Variants in CDH8 observed in about 807,000 individuals in gnomAD.
CDH8 encodes cadherin 8.
A neutral mutation model predicts 68.1 loss-of-function variants in CDH8; 17 were observed. The observed-to-expected ratio is 0.25, with a 90% confidence interval of 0.17 to 0.37. The LOEUF is 0.37. Ranked by LOEUF, CDH8 falls within the 10% of genes least tolerant of loss-of-function variation. CDH8 has a pLI of 1.00. For missense variants in CDH8, 763 were observed against 999.3 expected, an observed-to-expected ratio of 0.76 and a Z score of 3.19; for synonymous variants, 372 against 365.1, an observed-to-expected ratio of 1.02 and a Z score of -0.21.
At chr16:61,930,010 G>T (rs1964515615) in intron 2 of CDH8, among the ~76,000 whole-genome samples, 1 of 152,096 alleles carries the variant, frequency 6.6e-6, no homozygotes. Flanking sequence ...CGCAGAGTTT[G>T]TTCTTCTATG....
chr16:61,938,322 A>T (rs537838888), intron 2 of CDH8, among the ~76,000 whole-genome samples: 1 of 152,292 alleles, frequency 6.6e-6, no homozygotes, highest in Admixed American at 6.5e-5. Context: ...GAACTGAAAT[A>T]GTTCATTCTA....
At chr16:61,777,231 A>G (rs935910583) in intron 8 of CDH8, among the ~76,000 whole-genome samples, 1 of 152,142 alleles carries the variant, frequency 6.6e-6, no homozygotes, top group African/African-American at 2.4e-5. Flanking sequence ...TCCTACCTTT[A>G]AAATCTGTTC....
intron 10 of CDH8, among the ~76,000 whole-genome samples, chr16:61,675,597 A>G (rs1430016489): frequency 3.8e-5 from 4 of 105,738 alleles, no homozygotes; most frequent in African/African-American, 2.0e-4. Flanking sequence ...CTTAAAGTAT[A>G]ATAAAAAAAA....
At chr16:61,701,368 A>C (rs1206498302) in intron 10 of CDH8, among the ~76,000 whole-genome samples, 1 of 152,206 alleles carries the variant, frequency 6.6e-6, no homozygotes, top group Non-Finnish European at 1.5e-5. Context: ...AACATTGCTT[A>C]TGTGGAATCA....
At chr16:61,661,100 T>C (rs1963548498) in intron 10 of CDH8, among the ~76,000 whole-genome samples, 3 of 152,042 alleles carry the variant, frequency 2.0e-5, no homozygotes, top group Admixed American at 6.6e-5. Flanking sequence ...ACAATTATGT[T>C]TTTCAGCATA....
chr16:61,876,200 A>C (rs1313968175), intron 3 of CDH8, among the ~76,000 whole-genome samples: 1 of 152,134 alleles, frequency 6.6e-6, no homozygotes, highest in African/African-American at 2.4e-5. Context: ...AGGATGGTAA[A>C]TTAAGAAATG....
chr16:62,030,396 G>A (rs554299130), intron 1 of CDH8, among the ~76,000 whole-genome samples: 5 of 151,790 alleles, frequency 3.3e-5, no homozygotes, highest in African/African-American at 9.7e-5. Flanking sequence ...ATTTTTCTGA[G>A]CATCCCCATG....
chr16:61,900,484 T>C (rs1439303818), intron 3 of CDH8, among the ~76,000 whole-genome samples: 3 of 152,208 alleles, frequency 2.0e-5, no homozygotes, highest in African/African-American at 7.2e-5. Context: ...TTGAGGGGTT[T>C]CTTATCATCA....
At chr16:61,709,193 T>C (rs1487648632) in intron 10 of CDH8, among the ~76,000 whole-genome samples, 1 of 152,012 alleles carries the variant, frequency 6.6e-6, no homozygotes, top group Non-Finnish European at 1.5e-5. Context: ...CCTATTGTAA[T>C]AGCAGAACTT....
At chr16:61,799,899 A>T (rs1418051445) in intron 7 of CDH8, among the ~76,000 whole-genome samples, 2 of 151,882 alleles carry the variant, frequency 1.3e-5, no homozygotes, top group African/African-American at 2.4e-5. Flanking sequence ...TGGTCTATTA[A>T]CTCTTTTCCC....
chr16:61,941,003 G>T (rs1016933292), intron 2 of CDH8, among the ~76,000 whole-genome samples: 4 of 152,212 alleles, frequency 2.6e-5, no homozygotes, highest in African/African-American at 9.6e-5. Flanking sequence ...AATTAGAAAT[G>T]AGCATATTAA....
rs1567402156 is a variant in CDH8 at position 61,650,954 on chromosome 16, G to A, written c.*2654C>T. The A allele has an allele frequency of 6.6e-6, 1 of 152,000 alleles. No homozygotes were observed. The highest frequency in any genetic ancestry group is 1.5e-5 in the Non-Finnish European group (1 of 68,004). 9.4% of individuals were successfully genotyped at this position (152,000 alleles called of 1,614,324 possible). ...TGTTCCTAGGCAAAGAGAATACTTA[G>A]GCGATATTTGGGCAACTAGTAGAGC... On this transcript the variant is annotated 3_prime_UTR_variant, in exon 12 of 12. Transcript: ENST00000577390.
At chr16:61,675,626 AT>A (rs2142788057) in intron 10 of CDH8, among the ~76,000 whole-genome samples, 1 of 65,468 alleles carries the variant, frequency 1.5e-5, no homozygotes, top group East Asian at 3.4e-4. Context: ...AATAAAAAAA[AT>A]AAAAAAAAAT....
chr16:61,676,905 G>A (rs1010790054), intron 10 of CDH8, among the ~76,000 whole-genome samples: 2 of 151,874 alleles, frequency 1.3e-5, no homozygotes, highest in African/African-American at 4.8e-5. Context: ...AACTTTGTAG[G>A]GTGACGAAAA....
At chr16:62,001,985 TA>T (rs1432647384) in intron 2 of CDH8, among the ~76,000 whole-genome samples, 1 of 152,088 alleles carries the variant, frequency 6.6e-6, no homozygotes, top group Non-Finnish European at 1.5e-5. Context: ...AAAGAGTGAG[TA>T]GCCCACTATT....
At chr16:61,677,441 A>AG (rs1457921793) in intron 10 of CDH8, among the ~76,000 whole-genome samples, 1 of 151,860 alleles carries the variant, frequency 6.6e-6, no homozygotes, top group African/African-American at 2.4e-5. Flanking sequence ...TTTCCTAAAA[A>AG]GTCCCCAACT....
chr16:61,909,911 G>A (rs1013587260), intron 2 of CDH8, among the ~76,000 whole-genome samples: 1 of 152,184 alleles, frequency 6.6e-6, no homozygotes, highest in African/African-American at 2.4e-5. Flanking sequence ...CCAAGCCAGT[G>A]TTCATGGCCT....
At position 61,730,633 on chromosome 16, in the gene CDH8, C is replaced by T. The variant is rs186849485; in HGVS notation, c.1415-3418G>A. 3.0e-3 allele frequency among the ~76,000 whole-genome samples: 453 copies of T among 151,640 alleles called. 12 individuals are homozygous for T. The highest frequency in any genetic ancestry group is 0.026 in the Admixed American group (387 of 15,140). On this transcript the variant is annotated intron_variant, in intron 8 of 11. Coordinates refer to ENST00000577390, the MANE Select transcript of CDH8 (RefSeq NM_001796.5). ...ATTTTTTACATTTATTTAACAATTA[C>T]GCAAGTGTACTAAATTAATTTGTTC...
chr16:61,811,473 T>G (rs1025776888), intron 7 of CDH8, among the ~76,000 whole-genome samples: 4 of 152,156 alleles, frequency 2.6e-5, no homozygotes, highest in Admixed American at 6.5e-5. Flanking sequence ...GTGGAGCTGT[T>G]ATGGAAAATA....
Sources: gnomAD v4.1 joint callset for allele counts (sites outside exome capture counted in the v4.1 genomes callset) on GRCh38, gnomAD v4.1.1 for gene constraint, MANE v1.5 for transcripts, NCBI Gene and HGNC (gene_info 2026-07-23, HGNC 2026-07-21) for gene names.